ANK1: variants seen among roughly 807,000 people sequenced by gnomAD.
The protein encoded by ANK1 is ankyrin-1.
A neutral mutation model predicts 210.4 loss-of-function variants in ANK1; 51 were observed. The observed-to-expected ratio is 0.24, with a 90% confidence interval of 0.19 to 0.31. The LOEUF is 0.31. Among genes scored for constraint, ANK1 ranks in the 10% least tolerant of loss-of-function variants. The pLI, the probability that ANK1 is intolerant of heterozygous loss-of-function variation, is 1.00. For synonymous variants in ANK1, 967 were observed against 1,025.9 expected, an observed-to-expected ratio of 0.94 and a Z score of 1.10; for missense variants, 2,051 against 2,504.4, an observed-to-expected ratio of 0.82 and a Z score of 3.86.
intron 41 of ANK1, 100 bp downstream of exon 41, chr8:41,661,776 C>T (rs754248745): frequency 3.5e-5 from 56 of 1,612,662 alleles, no homozygotes; most frequent in Non-Finnish European, 4.4e-5. Flanking sequence ...CGCTGGGTCC[C>T]CCAGGGCCGC....
At chr8:41,787,001 G>T (rs992441746) in intron 1 of ANK1, among the ~76,000 whole-genome samples, 3 of 152,344 alleles carry the variant, frequency 2.0e-5, no homozygotes, top group Non-Finnish European at 2.9e-5. Context: ...AGTCAGAGTG[G>T]GTGTCCAGTG....
intron 1 of ANK1, among the ~76,000 whole-genome samples, chr8:41,867,740 TC>T (rs1814745740): frequency 6.6e-6 from 1 of 152,156 alleles, no homozygotes; most frequent in African/African-American, 2.4e-5. Context: ...GTCAGCTGTC[TC>T]CCCCACTGAA....
intron 1 of ANK1, among the ~76,000 whole-genome samples, chr8:41,844,399 G>A (rs1809610912): frequency 6.6e-6 from 1 of 152,156 alleles, no homozygotes. Flanking sequence ...TCTCGGCCCA[G>A]GACAAACAAG....
At chr8:41,875,379 G>A (rs1312026336) in intron 1 of ANK1, among the ~76,000 whole-genome samples, 5 of 152,184 alleles carry the variant, frequency 3.3e-5, no homozygotes, top group African/African-American at 1.2e-4. Flanking sequence ...GATGGAGGCG[G>A]GTATACCCAA....
At chr8:41,884,753 G>T (rs1045666114) in intron 1 of ANK1, among the ~76,000 whole-genome samples, 1 of 151,940 alleles carries the variant, frequency 6.6e-6, no homozygotes, top group South Asian at 2.1e-4. Context: ...GATCGTTTGA[G>T]CCCAGGAGTT....
chr8:41,677,886 G>A (rs765892224), intron 37 of ANK1, among the ~76,000 whole-genome samples: 1 of 151,906 alleles, frequency 6.6e-6, no homozygotes. Context: ...CACTGCACCT[G>A]GCCTTGGCTT....
Position 41,668,506 on chromosome 8 carries a change from C to G in ANK1, c.5155G>C (p.Gly1719Arg). The G allele has an allele frequency of 6.2e-7, 1 of 1,614,218 alleles. No individual in the cohort carries two copies. The highest frequency in any genetic ancestry group is 1.1e-5 in the South Asian group (1 of 91,080). ...TGCGTGACCTCCTCTTGCCAGGAACCTTGTGCAGCATCTTGCAGGTATGAG... is the reference window on the plus strand; with the variant it reads ...TGCGTGACCTCCTCTTGCCAGGAACGTTGTGCAGCATCTTGCAGGTATGAG... ...IVSYLQDAAQ[G>R]SWQEEVTQGP... is the part of the protein sequence containing the mutation. The change falls in exon 39 of 43, where the codon GGT becomes CGT. Residue 1719 changes from glycine (G) to arginine (R), a missense_variant. Physicochemically the swap from Gly to Arg is moderately radical, Grantham distance 125. Coordinates refer to ENST00000289734, the MANE Select transcript of ANK1 (RefSeq NM_000037.4).
chr8:41,784,793 G>T (rs1428906173), intron 1 of ANK1, among the ~76,000 whole-genome samples: 1 of 152,184 alleles, frequency 6.6e-6, no homozygotes, highest in African/African-American at 2.4e-5. Context: ...AGGTGGTTTT[G>T]TTTTTGGTTT....
chr8:41,779,228 G>A (rs1254779387), intron 1 of ANK1, among the ~76,000 whole-genome samples: 1 of 151,968 alleles, frequency 6.6e-6, no homozygotes, highest in Non-Finnish European at 1.5e-5. Flanking sequence ...GGTCTGGAAT[G>A]CCCTTCTCTA....
chr8:41,704,553 A>T lies in ANK1; in HGVS notation c.2098-81T>A. 2.3e-6 allele frequency: 3 copies of T among 1,279,866 alleles called. No individual in the cohort carries two copies. The highest frequency in any genetic ancestry group is 3.4e-6 in the Non-Finnish European group (3 of 879,324). The allele number at this position is 1,279,866 out of a possible 1,614,324, so 79.3% of individuals were successfully genotyped here. ...AAATCCTTCCCAAAGCAGCTGATTC[A>T]AAGAGAGAACGGACAGGGAGCCCCT... On this transcript the variant is annotated intron_variant, in intron 18 of 42. Transcript: ENST00000289734. The surrounding 1 kb of genome is among the most constrained non-coding windows in gnomAD (Gnocchi z 4.1).
chr8:41,723,950 C>T (rs1045552726), intron 7 of ANK1, among the ~76,000 whole-genome samples: 9 of 151,530 alleles, frequency 5.9e-5, no homozygotes, highest in Admixed American at 3.9e-4. Flanking sequence ...CCACCATGCC[C>T]GGCTAATTTT....
chr8:41,716,906 G>C (rs1268400309), intron 13 of ANK1, 47 bp downstream of exon 13: 1 of 1,579,696 alleles, frequency 6.3e-7, no homozygotes, highest in South Asian at 1.1e-5. Flanking sequence ...CACAGTGCTG[G>C]AACTGCTCAC....
chr8:41,855,646 C>T (rs1182815408), intron 1 of ANK1, among the ~76,000 whole-genome samples: 1 of 152,212 alleles, frequency 6.6e-6, no homozygotes, highest in African/African-American at 2.4e-5. Flanking sequence ...AGATAGCCGG[C>T]TCTCTGTTTC....
intron 2 of ANK1, among the ~76,000 whole-genome samples, chr8:41,755,506 T>C (rs977774496): frequency 7.2e-5 from 11 of 152,196 alleles, no homozygotes; most frequent in Admixed American, 6.5e-4. Flanking sequence ...TCTGCAATTC[T>C]CCAGCCACAG....
intron 1 of ANK1, among the ~76,000 whole-genome samples, chr8:41,875,628 G>C (rs889908955): frequency 6.6e-6 from 1 of 152,210 alleles, no homozygotes; most frequent in East Asian, 1.9e-4. Flanking sequence ...TCCTGTGCCA[G>C]GGATGCGTGA....
rs1823990862 is a variant in ANK1 at position 41,704,432 on chromosome 8, T to C, written c.2138A>G (p.Asn713Ser). ...CAGCAGAAACTTCACCAGCTTGATGTTTCCATAGTGACTGGCCACATGGAG... is the reference window on the plus strand; with the variant it reads ...CAGCAGAAACTTCACCAGCTTGATGCTTCCATAGTGACTGGCCACATGGAG... ...TPLHVASHYGNIKLVKFLLQH... is the reference protein window; with the variant it reads ...TPLHVASHYGSIKLVKFLLQH... Residue 713 changes from asparagine (N) to serine (S), a missense_variant, in exon 19 of 43, where the codon AAC becomes AGC. Transcript: ENST00000289734. The surrounding 1 kb of genome is among the most constrained non-coding windows in gnomAD (Gnocchi z 4.1). The C allele has an allele frequency of 1.2e-6, 2 of 1,614,166 alleles. No individual in the cohort carries two copies. The highest frequency in any genetic ancestry group is 1.7e-5 in the Admixed American group (1 of 60,020).
intron 35 of ANK1, among the ~76,000 whole-genome samples, chr8:41,687,634 G>A (rs1818062348): frequency 6.6e-6 from 1 of 152,168 alleles, no homozygotes; most frequent in Non-Finnish European, 1.5e-5. Context: ...CTGGGATTAA[G>A]CCTCTTTCAC....
At chr8:41,680,820 T>C (rs138275555) in intron 37 of ANK1, among the ~76,000 whole-genome samples, 110 of 152,232 alleles carry the variant, frequency 7.2e-4, no homozygotes, top group Non-Finnish European at 3.7e-4. Context: ...ATGAGGAACA[T>C]CTCACAGGTC....
intron 36 of ANK1, 42 bp downstream of exon 36, chr8:41,686,110 A>C (rs765165617): frequency 7.5e-5 from 121 of 1,614,008 alleles, no homozygotes; most frequent in Non-Finnish European, 9.8e-5. Flanking sequence ...TTTGGTGGGG[A>C]GGAGGTCCTA....
Sources: allele counts gnomAD v4.1 joint callset (sites outside exome capture counted in the v4.1 genomes callset), GRCh38; gene constraint gnomAD v4.1.1; non-coding constraint Gnocchi (gnomAD v3.1); transcripts MANE v1.5; gene names NCBI Gene and HGNC (gene_info 2026-07-23, HGNC 2026-07-21).